Variants in DLG1 observed in about 807,000 individuals in gnomAD.
DLG1 encodes the protein disks large homolog 1.
In DLG1, 42 loss-of-function variants were observed where a neutral mutation model predicts 123.4. The ratio of observed to expected loss-of-function variants is 0.34; its 90% CI spans 0.27 to 0.44. The LOEUF (loss-of-function observed/expected upper bound fraction) is 0.44. DLG1 is among the 20% of genes least tolerant of loss of function. The pLI, the probability that DLG1 is intolerant of heterozygous loss-of-function variation, is 1.00. For missense variants in DLG1, 942 were observed against 1,082.6 expected, an observed-to-expected ratio of 0.87 and a Z score of 1.82; for synonymous variants, 317 against 356.2, an observed-to-expected ratio of 0.89 and a Z score of 1.24.
intron 12 of DLG1, among the ~76,000 whole-genome samples, chr3:197,118,500 A>T (rs1439603738): frequency 6.6e-6 from 1 of 152,218 alleles, no homozygotes; most frequent in Non-Finnish European, 1.5e-5. Flanking sequence ...TGTCCTAAAG[A>T]TCACTGCCTA....
intron 4 of DLG1, among the ~76,000 whole-genome samples, chr3:197,272,285 AG>A (rs763560211): frequency 6.6e-6 from 1 of 152,116 alleles, no homozygotes; most frequent in Non-Finnish European, 1.5e-5. Flanking sequence ...CGTTAGTTCA[AG>A]GGTGCAGTCA....
rs140998332 is a variant in DLG1 at position 197,137,239 on chromosome 3, C to T, written c.884-561G>A. ...TGACATCCTCCCTCTTCCATGAAGCCACATATTGAAACTACTATTTCCATT... is the reference window on the plus strand; with the variant it reads ...TGACATCCTCCCTCTTCCATGAAGCTACATATTGAAACTACTATTTCCATT... On this transcript the variant is annotated intron_variant, in intron 9 of 24. Transcript: ENST00000667157. 7.0e-4 allele frequency among the ~76,000 whole-genome samples: 107 copies of T among 152,254 alleles called. 1 individual carries two copies. Among genetic ancestry groups the T allele is most frequent in the African/African-American group, 2.3e-3 (97 of 41,534 alleles).
At chr3:197,261,215 A>G (rs554822326) in intron 4 of DLG1, among the ~76,000 whole-genome samples, 4 of 152,330 alleles carry the variant, frequency 2.6e-5, no homozygotes, top group Admixed American at 6.5e-5. Flanking sequence ...CACAGGGGAC[A>G]TGGCAGAGGG....
At chr3:197,240,972 A>G (rs976471145) in intron 4 of DLG1, among the ~76,000 whole-genome samples, 5 of 152,184 alleles carry the variant, frequency 3.3e-5, no homozygotes, top group Admixed American at 2.0e-4. Flanking sequence ...GAGCAAAAGC[A>G]TGAGGTAGAA....
chr3:197,183,452 A>C, intron 5 of DLG1: 2 of 872,036 alleles, frequency 2.3e-6, no homozygotes, highest in South Asian at 3.7e-5. Context: ...CAGAAAACAT[A>C]CATTTCTACA....
intron 5 of DLG1, among the ~76,000 whole-genome samples, chr3:197,164,384 G>C (rs1800252094): frequency 1.3e-5 from 2 of 151,394 alleles, no homozygotes; most frequent in Admixed American, 6.6e-5. Flanking sequence ...GCAACAGAGT[G>C]AGACTCTGTC....
At chr3:197,095,161 G>A (rs541544760) in intron 14 of DLG1, among the ~76,000 whole-genome samples, 9 of 152,078 alleles carry the variant, frequency 5.9e-5, no homozygotes, top group African/African-American at 2.2e-4. Flanking sequence ...TGTTTTTCCT[G>A]AACCATTTGA....
At chr3:197,048,322 T>G (rs1414145991) in intron 24 of DLG1, among the ~76,000 whole-genome samples, 1 of 152,076 alleles carries the variant, frequency 6.6e-6, no homozygotes, top group Non-Finnish European at 1.5e-5. Context: ...AATACAAAAA[T>G]TAGCCGGGTG....
chr3:197,196,914 G>C (rs757730634), intron 4 of DLG1, among the ~76,000 whole-genome samples: 9 of 152,094 alleles, frequency 5.9e-5, no homozygotes, highest in Admixed American at 2.0e-4. Context: ...CTGTATGTAT[G>C]TATCATTATA....
intron 4 of DLG1, among the ~76,000 whole-genome samples, chr3:197,264,427 A>G (rs1760828682): frequency 6.6e-6 from 1 of 152,154 alleles, no homozygotes; most frequent in East Asian, 1.9e-4. Flanking sequence ...AGATTTTGTT[A>G]TCTTTTGTTT....
At chr3:197,261,580 A>AC (rs903211332) in intron 4 of DLG1, among the ~76,000 whole-genome samples, 1 of 152,188 alleles carries the variant, frequency 6.6e-6, no homozygotes, top group Non-Finnish European at 1.5e-5. Flanking sequence ...AAACAACTGA[A>AC]CTGTTCCTAC....
intron 11 of DLG1, among the ~76,000 whole-genome samples, chr3:197,128,223 T>C (rs1270425013): frequency 1.3e-5 from 2 of 152,242 alleles, no homozygotes; most frequent in Non-Finnish European, 2.9e-5. Flanking sequence ...ACTAAGTTTA[T>C]GTAATATCCC....
upstream of DLG1, chr3:197,298,842 T>C (rs1380563784): frequency 2.7e-6 from 1 of 366,462 alleles, no homozygotes; most frequent in East Asian, 4.0e-5. Flanking sequence ...ACTGGTTAAC[T>C]TGGCAAGAGT....
At chr3:197,229,801 T>G (rs764646977) in intron 4 of DLG1, among the ~76,000 whole-genome samples, 4 of 152,232 alleles carry the variant, frequency 2.6e-5, no homozygotes, top group Non-Finnish European at 5.9e-5. Flanking sequence ...CCTTACTTAA[T>G]CCAAATATGA....
chr3:197,258,982 AC>A (rs1250949119), intron 4 of DLG1, among the ~76,000 whole-genome samples: 1 of 152,086 alleles, frequency 6.6e-6, no homozygotes, highest in African/African-American at 2.4e-5. Context: ...AGCAAAATAG[AC>A]CCTCTTTTGC....
chr3:197,164,172 G>A (rs558826643), intron 5 of DLG1, among the ~76,000 whole-genome samples: 12 of 151,602 alleles, frequency 7.9e-5, no homozygotes, highest in African/African-American at 1.9e-4. Flanking sequence ...CGGGTGGATC[G>A]CGAGGTCAAG....
chr3:197,113,833 GA>G (rs1451659979), intron 13 of DLG1, among the ~76,000 whole-genome samples: 1 of 152,062 alleles, frequency 6.6e-6, no homozygotes, highest in Non-Finnish European at 1.5e-5. Context: ...TTTCAGATTA[GA>G]TATAGATAAG....
Position 197,043,012 on chromosome 3 carries a change from C to T in DLG1, c.*1611G>A, listed in dbSNP as rs1721071835. On this transcript the variant is annotated 3_prime_UTR_variant, in exon 25 of 25. Coordinates refer to ENST00000667157, the MANE Select transcript of DLG1 (RefSeq NM_001366207.1). ...GTTGATAATTCTTTACAAACCAGTACTCATTTAAGAAACTAATGAGGAGGT... is the reference window on the plus strand; with the variant it reads ...GTTGATAATTCTTTACAAACCAGTATTCATTTAAGAAACTAATGAGGAGGT... 6.6e-6 allele frequency: 1 copy of T among 152,112 alleles called. No individual in the cohort carries two copies. The highest frequency in any genetic ancestry group is 2.4e-5 in the African/African-American group (1 of 41,414). The allele number at this position is 152,112 out of a possible 1,614,324, so 9.4% of individuals were successfully genotyped here.
intron 15 of DLG1, among the ~76,000 whole-genome samples, chr3:197,090,261 C>A (rs1344921734): frequency 6.8e-6 from 1 of 148,010 alleles, no homozygotes; most frequent in Non-Finnish European, 1.5e-5. Flanking sequence ...ATACAGAATA[C>A]AAATACATTC....
Sources: gnomAD v4.1 joint callset for allele counts (sites outside exome capture counted in the v4.1 genomes callset) on GRCh38, gnomAD v4.1.1 for gene constraint, MANE v1.5 for transcripts, NCBI Gene and HGNC (gene_info 2026-07-23, HGNC 2026-07-21) for gene names.